The following AIM2 variants were observed in gnomAD, a reference collection of about 807,000 sequenced individuals.
AIM2 encodes absent in melanoma 2, also known as interferon-inducible protein AIM2.
In AIM2, 30 loss-of-function variants were observed where a neutral mutation model predicts 27.7. The observed-to-expected ratio is 1.08, with a 90% CI of 0.81 to 1.47. The LOEUF (loss-of-function observed/expected upper bound fraction) is 1.47, where lower values mean the gene tolerates loss of function less well. Ranked by LOEUF, AIM2 falls within the 40% of genes most tolerant of loss-of-function variation. The pLI is 0.00. For missense variants in AIM2, 358 were observed against 411.3 expected (o/e 0.87, Z 1.12); for synonymous variants, 141 against 145.3 (o/e 0.97, Z 0.21).
chr1:159,085,142 C>T (rs990407570), intron 1 of AIM2, among the ~76,000 whole-genome samples: 8 of 152,090 alleles, frequency 5.3e-5, no homozygotes, highest in Non-Finnish European at 1.0e-4. Flanking sequence ...GATGGAAACT[C>T]CATGGAGAGC....
chr1:159,073,994 G>A (rs998067097), intron 1 of AIM2, among the ~76,000 whole-genome samples: 2 of 152,000 alleles, frequency 1.3e-5, no homozygotes, highest in African/African-American at 2.4e-5. Context: ...AGCCAAGATC[G>A]CGCCATTGCA....
intron 4 of AIM2, among the ~76,000 whole-genome samples, chr1:159,064,627 G>A (rs1655998420): frequency 2.6e-5 from 4 of 152,082 alleles, no homozygotes; most frequent in Non-Finnish European, 5.9e-5. Context: ...CAATACACCC[G>A]GCTAATTTTT....
At chr1:159,093,915 G>A (rs1385721522) in intron 1 of AIM2, among the ~76,000 whole-genome samples, 1 of 121,064 alleles carries the variant, frequency 8.3e-6, no homozygotes, top group African/African-American at 2.6e-5. Context: ...TTTTTTTTTT[G>A]TATTTTAGTA....
intron 1 of AIM2, among the ~76,000 whole-genome samples, chr1:159,129,920 A>G (rs1557914999): frequency 6.6e-6 from 1 of 152,094 alleles, no homozygotes. Flanking sequence ...TTCACAACAA[A>G]TGTTTTAATT....
At chr1:159,084,778 T>TACACACACACACACACACACAC (rs113134051) in intron 1 of AIM2, among the ~76,000 whole-genome samples, 1 of 135,042 alleles carries the variant, frequency 7.4e-6, no homozygotes, top group Non-Finnish European at 1.6e-5. Flanking sequence ...CTGTCTGAAA[T>TACACACACACACACACACACAC]ACACACACAC....
At chr1:159,083,243 G>C (rs1656823984) in intron 1 of AIM2, among the ~76,000 whole-genome samples, 1 of 152,156 alleles carries the variant, frequency 6.6e-6, no homozygotes, top group South Asian at 2.1e-4. Context: ...TGGAAAGAGA[G>C]ATGATGTACA....
chr1:159,125,066 T>G (rs921675596), intron 1 of AIM2, among the ~76,000 whole-genome samples: 5 of 152,198 alleles, frequency 3.3e-5, no homozygotes, highest in African/African-American at 9.7e-5. Context: ...GAACAGGCTA[T>G]TGGCATGCTG....
At chr1:159,092,844 T>G (rs563692128) in intron 1 of AIM2, among the ~76,000 whole-genome samples, 1 of 151,840 alleles carries the variant, frequency 6.6e-6, no homozygotes, top group Non-Finnish European at 1.5e-5. Context: ...GTCAACATGG[T>G]GAAACCCCAT....
intron 1 of AIM2, among the ~76,000 whole-genome samples, chr1:159,115,221 G>C (rs1303646579): frequency 6.6e-6 from 1 of 152,054 alleles, no homozygotes; most frequent in African/African-American, 2.4e-5. Context: ...ATGCTCATGG[G>C]TAGGAAGAAT....
intron 1 of AIM2, among the ~76,000 whole-genome samples, chr1:159,093,830 G>C (rs1657107548): frequency 1.3e-5 from 2 of 151,708 alleles, no homozygotes; most frequent in South Asian, 4.2e-4. Context: ...CCACCTCCCA[G>C]GTTCAAGTGA....
intron 1 of AIM2, among the ~76,000 whole-genome samples, chr1:159,130,215 G>C (rs1647832824): frequency 6.6e-6 from 1 of 152,118 alleles, no homozygotes; most frequent in Admixed American, 6.5e-5. Context: ...TAAATGATGG[G>C]TTCCTCAGGG....
chr1:159,065,726 T>C (rs1656059473), intron 4 of AIM2, among the ~76,000 whole-genome samples, 184 bp downstream of exon 4: 1 of 152,218 alleles, frequency 6.6e-6, no homozygotes, highest in Non-Finnish European at 1.5e-5. Flanking sequence ...TTTTTGACAA[T>C]AAAAACAATT....
At chr1:159,104,291 T>C (rs1490489257) in intron 1 of AIM2, among the ~76,000 whole-genome samples, 1 of 152,086 alleles carries the variant, frequency 6.6e-6, no homozygotes, top group African/African-American at 2.4e-5. Flanking sequence ...AGGCATGGAC[T>C]CCAAACCCAC....
At chr1:159,060,814 T>A (rs950612437), downstream of AIM2, among the ~76,000 whole-genome samples, 1 of 152,258 alleles carries the variant, frequency 6.6e-6, no homozygotes, top group African/African-American at 2.4e-5. Context: ...TCGAGTTTTT[T>A]GCACTTTTGC....
At chr1:159,126,643 C>T (rs868199699) in intron 1 of AIM2, among the ~76,000 whole-genome samples, 5 of 80,518 alleles carry the variant, frequency 6.2e-5, no homozygotes, top group East Asian at 7.2e-4. Flanking sequence ...AGCGAGACTA[C>T]GTCTCAAAAA....
chr1:159,068,642 G>T lies in AIM2; in HGVS notation c.322C>A (p.Pro108Thr). 1 of 1,613,830 alleles carries T rather than the reference G, an allele frequency of 6.2e-7. No individual in the cohort carries two copies. Among genetic ancestry groups the T allele is most frequent in the Non-Finnish European group, 8.5e-7 (1 of 1,179,844 alleles). Residue 108 changes from proline to threonine, a missense_variant, in exon 3 of 6, where the codon CCT (proline) becomes ACT (threonine). Physicochemically the swap from Pro to Thr is conservative, Grantham distance 38 (BLOSUM62 -1). Transcript: ENST00000368130. ...PKPLSQAEMS[P>T]AASAAIRNDV... ...TTTCTGATGGCTGCAGATGCAGCAG[G>T]ACTCATTTCAGCTTGACTTAGTGGC...
chr1:159,057,420 T>C, the AIM2 span, among the ~76,000 whole-genome samples: 1 of 152,204 alleles, frequency 6.6e-6, no homozygotes, highest in Admixed American at 6.5e-5. Context: ...GTGGCTACAG[T>C]TAATGCTTGC....
At chr1:159,145,701 C>T (rs1648188574) in intron 1 of AIM2, among the ~76,000 whole-genome samples, 1 of 152,150 alleles carries the variant, frequency 6.6e-6, no homozygotes, top group South Asian at 2.1e-4. Context: ...AAAGTCCATA[C>T]AGAGGTCAAC....
In AIM2 at chr1:159,088,325, C is replaced by T. The variant is rs759624636; in HGVS notation, c.-15-21996G>A. 7.9e-5 allele frequency among the ~76,000 whole-genome samples: 12 copies of T among 152,114 alleles called. 1 individual carries two copies. Among genetic ancestry groups the T allele is most frequent in the Non-Finnish European group, 1.5e-4 (10 of 68,022 alleles). ...TCAATAAAAGAACATGCCTTAGAAC[C>T]ATGAGAGGAAGGAATGCCAGGATTC... is the stretch of plus-strand genomic sequence containing the variant. On this transcript the variant is annotated intron_variant, in intron 1 of 2. Transcript: ENST00000368129.
Sources: gnomAD v4.1 joint callset for allele counts (sites outside exome capture counted in the v4.1 genomes callset) on GRCh38, gnomAD v4.1.1 for gene constraint, MANE v1.5 for transcripts, NCBI Gene and HGNC (gene_info 2026-07-23, HGNC 2026-07-21) for gene names.